DOCK8: variants seen among roughly 807,000 people sequenced by gnomAD.
DOCK8 encodes dedicator of cytokinesis protein 8.
DOCK8 carries 141 observed loss-of-function variants against 245.6 expected under a neutral mutation model. The ratio of observed to expected loss-of-function variants is 0.57; its 90% CI spans 0.50 to 0.66. The LOEUF is 0.66. Ranked by LOEUF, DOCK8 falls within the 30% of genes least tolerant of loss-of-function variation. The probability of loss-of-function intolerance (pLI) is 0.00; values close to 1 mark genes in which losing one functional copy is unlikely to be tolerated. For synonymous variants in DOCK8, 1,168 were observed against 970.2 expected (o/e 1.20, Z -3.79); for missense variants, 2,965 against 2,603.4 (o/e 1.14, Z -3.02).
intron 10 of DOCK8, among the ~76,000 whole-genome samples, chr9:333,740 A>C (rs1481285747): frequency 2.0e-5 from 3 of 152,182 alleles, no homozygotes; most frequent in Non-Finnish European, 2.9e-5. Flanking sequence ...TGAACTCAGA[A>C]AGAACACCTT....
At chr9:443,305 C>T (rs1002412474) in intron 42 of DOCK8, 122 bp from the exon 43 acceptor site, 1 of 959,244 alleles carries the variant, frequency 1.0e-6, no homozygotes, top group Admixed American at 1.8e-5. Context: ...CAGAGGAACT[C>T]TCAATAATCA....
At chr9:333,245 G>C (rs73639052) in intron 10 of DOCK8, among the ~76,000 whole-genome samples, 244 of 152,328 alleles carry the variant, frequency 1.6e-3, no homozygotes, top group African/African-American at 5.5e-3. Context: ...CATAGGTGTT[G>C]AGCCTATGAA....
chr9:227,662 T>C (rs2047018679), intron 1 of DOCK8, among the ~76,000 whole-genome samples: 1 of 152,140 alleles, frequency 6.6e-6, no homozygotes, highest in African/African-American at 2.4e-5. Context: ...AACATTTCTA[T>C]TGGGCGGCTT....
intron 27 of DOCK8, among the ~76,000 whole-genome samples, chr9:406,614 C>G (rs2055431690): frequency 1.3e-5 from 2 of 151,940 alleles, no homozygotes; most frequent in Non-Finnish European, 2.9e-5. Flanking sequence ...ATTTCTCTGT[C>G]CAACTTTTAT....
chr9:277,472 A>G (rs2048397746), intron 2 of DOCK8, among the ~76,000 whole-genome samples: 1 of 124,930 alleles, frequency 8.0e-6, no homozygotes, highest in African/African-American at 4.2e-5. Flanking sequence ...AAGAGAAGAG[A>G]AGAGAAGAGA....
chr9:327,588 G>A (rs1269139652), intron 8 of DOCK8, among the ~76,000 whole-genome samples: 1 of 151,954 alleles, frequency 6.6e-6, no homozygotes, highest in Non-Finnish European at 1.5e-5. Context: ...GTAGAGGCAG[G>A]GTTTCACCAT....
intron 47 of DOCK8, 131 bp from the exon 48 acceptor site, chr9:464,028 C>T (rs1008747070): frequency 1.7e-5 from 14 of 837,624 alleles, no homozygotes; most frequent in Non-Finnish European, 2.9e-5. Context: ...TTATTATTTG[C>T]TGAGTTGTCC....
At chr9:416,937 T>G (rs980323230) in intron 29 of DOCK8, among the ~76,000 whole-genome samples, 2 of 152,266 alleles carry the variant, frequency 1.3e-5, no homozygotes, top group African/African-American at 4.8e-5. Flanking sequence ...TCTTGCATAA[T>G]TTCCATGTGC....
At chr9:418,014 A>G (rs2056102906) in intron 29 of DOCK8, 54 bp from the exon 30 acceptor site, 1 of 1,612,586 alleles carries the variant, frequency 6.2e-7, no homozygotes, top group South Asian at 1.1e-5. Context: ...TGGGTAGGGG[A>G]CATGGGGAAA....
chr9:382,446 C>T (rs2053759174), intron 21 of DOCK8, 67 bp from the exon 22 acceptor site: 4 of 1,605,494 alleles, frequency 2.5e-6, no homozygotes, highest in Non-Finnish European at 2.6e-6. Flanking sequence ...TCTTCAATTC[C>T]TTCTTAAACT....
At chr9:424,776 C>T (rs537543389) in intron 33 of DOCK8, among the ~76,000 whole-genome samples, 5 of 152,296 alleles carry the variant, frequency 3.3e-5, no homozygotes, top group Admixed American at 6.5e-5. Context: ...ATGTACTTAA[C>T]ACTACTGAAC....
intron 23 of DOCK8, among the ~76,000 whole-genome samples, chr9:388,960 G>C (rs10973604): frequency 0.17 from 25,450 of 152,060 alleles, 2,640 homozygotes; most frequent in Middle Eastern, 0.26. Context: ...TATGATATTA[G>C]GGTGTTCAAA....
At chr9:290,694 C>G (rs79361203) in intron 4 of DOCK8, among the ~76,000 whole-genome samples, 1,917 of 152,294 alleles carry the variant, frequency 0.013, 51 homozygotes, top group African/African-American at 0.045. Flanking sequence ...GATGTGGACT[C>G]TCTACAGATT....
At chr9:301,991 A>AG (rs2049570994) in intron 4 of DOCK8, among the ~76,000 whole-genome samples, 1 of 152,132 alleles carries the variant, frequency 6.6e-6, no homozygotes, top group Admixed American at 6.5e-5. Flanking sequence ...GAATTTAAAA[A>AG]AAAAAACCTA....
At position 221,852 on chromosome 9, in the gene DOCK8, G is replaced by A. The variant is rs570035063; in HGVS notation, c.53+6823G>A. 2.0e-5 allele frequency among the ~76,000 whole-genome samples: 3 copies of A among 151,570 alleles called. No homozygotes were observed. The South Asian group carries it at 6.3e-4, about 32-fold the overall frequency. The stretch of plus-strand genomic sequence containing the variant: ...AAAAAAAAAAATCATGAACAACTCT[G>A]CATGTAAATCAATACAGAGCTGCAT... On this transcript the variant is annotated intron_variant, in intron 1 of 47. Transcript: ENST00000432829.
chr9:232,851 C>T (rs2047150528), intron 1 of DOCK8, among the ~76,000 whole-genome samples: 2 of 152,268 alleles, frequency 1.3e-5, no homozygotes, highest in South Asian at 2.1e-4. Context: ...AAACCAGCTC[C>T]TGGATTCATT....
At chr9:429,189 A>G (rs1376620157) in intron 35 of DOCK8, among the ~76,000 whole-genome samples, 3 of 151,344 alleles carry the variant, frequency 2.0e-5, no homozygotes, top group African/African-American at 4.9e-5. Context: ...CTGGTCTTGA[A>G]CTCCTGACCT....
intron 6 of DOCK8, among the ~76,000 whole-genome samples, chr9:315,763 C>A (rs1461654123): frequency 6.6e-6 from 1 of 152,154 alleles, no homozygotes; most frequent in African/African-American, 2.4e-5. Flanking sequence ...GCTCTCTCAA[C>A]TTTTGTGTAT....
chr9:314,447 G>A (rs924746538), intron 6 of DOCK8: 2 of 152,200 alleles, frequency 1.3e-5, no homozygotes, highest in Non-Finnish European at 2.9e-5. Flanking sequence ...CATCTGAACA[G>A]ATTAAAATAA....
Sources: allele counts gnomAD v4.1 joint callset (sites outside exome capture counted in the v4.1 genomes callset), GRCh38; gene constraint gnomAD v4.1.1; transcripts MANE v1.5; gene names NCBI Gene and HGNC (gene_info 2026-07-23, HGNC 2026-07-21).